THBS3: variants seen among roughly 807,000 people sequenced by gnomAD.
THBS3 encodes thrombospondin-3.
In THBS3, 78 loss-of-function variants were observed where a neutral mutation model predicts 118.3. The observed-to-expected ratio is 0.66, with a 90% CI of 0.55 to 0.80. The LOEUF (loss-of-function observed/expected upper bound fraction) is 0.80, where lower values mean the gene tolerates loss of function less well. Ranked by LOEUF, THBS3 falls within the 30% of genes least tolerant of loss-of-function variation. The pLI is 0.00. For missense variants in THBS3, 1,057 were observed against 1,247.4 expected, an observed-to-expected ratio of 0.85 and a Z score of 2.30; for synonymous variants, 427 against 475.3, an observed-to-expected ratio of 0.90 and a Z score of 1.32.
At chr1:155,208,717 CGCTCCGG>C, upstream of THBS3, 3 of 1,360,820 alleles carry the variant, frequency 2.2e-6, no homozygotes, top group Non-Finnish European at 1.9e-6. Flanking sequence ...GCCCGGCCTC[CGCTCCGG>C]CCGCCGCCAC....
At chr1:155,201,358 T>G in intron 11 of THBS3, 59 bp downstream of exon 11, 1 of 1,568,038 alleles carries the variant, frequency 6.4e-7, no homozygotes, top group Non-Finnish European at 8.6e-7. Flanking sequence ...GCCCTAAACA[T>G]AGCCCTACTC....
intron 21 of THBS3, chr1:155,196,356 C>T (rs1054620458): frequency 2.1e-5 from 12 of 565,938 alleles, no homozygotes; most frequent in African/African-American, 1.1e-4. Flanking sequence ...AAGCACCAGC[C>T]GCATTCCAAG....
chr1:155,195,745 G>T lies in THBS3; in HGVS notation c.*96C>A. The T allele has an allele frequency of 3.0e-6, 4 of 1,340,926 alleles. No individual in the cohort carries two copies. The highest frequency in any genetic ancestry group is 4.2e-6 in the Non-Finnish European group (4 of 955,592). The allele number at this position is 1,340,926 out of a possible 1,614,324, so 83.1% of individuals were successfully genotyped here. On this transcript the variant is annotated 3_prime_UTR_variant, in exon 23 of 23. Transcript: ENST00000368378. Reference sequence around the variant, plus strand: ...GGGAGCCAGAGAAGGGTCTGTGGTTGGCTGAGGGGCTGTAGCTTAGACCTC... The same window carrying T: ...GGGAGCCAGAGAAGGGTCTGTGGTTTGCTGAGGGGCTGTAGCTTAGACCTC...
At chr1:155,205,521 T>A in intron 2 of THBS3, 2 of 674,604 alleles carry the variant, frequency 3.0e-6, no homozygotes, top group Non-Finnish European at 4.8e-6. Context: ...CTCACACCTG[T>A]AATCCCAGCA....
chr1:155,197,649 G>A lies in THBS3; in HGVS notation c.2313C>T (p.Ala771=), dbSNP rs1366182526. The A allele has an allele frequency of 6.2e-7, 1 of 1,613,102 alleles. No individual in the cohort carries two copies. Among genetic ancestry groups the A allele is most frequent in the East Asian group, 2.2e-5 (1 of 44,834 alleles). ...TGCCTTCAAAGTCCACACCATTGAA[G>A]GCCGTGTATCCTGGGGTGGGGGTGG... The part of the protein sequence containing the change: ...SDPGLAVGYT[A]FNGVDFEGTF... Residue 771 remains alanine (A), a synonymous_variant, in exon 20 of 23, where the codon GCC becomes GCT. Coordinates refer to ENST00000368378, the MANE Select transcript of THBS3 (RefSeq NM_007112.5). This position sits in a 1 kb window ranked among gnomAD's most constrained non-coding sequence, Gnocchi z 5.0.
At chr1:155,205,843 C>A (rs1404055639) in intron 2 of THBS3, among the ~76,000 whole-genome samples, 1 of 152,216 alleles carries the variant, frequency 6.6e-6, no homozygotes, top group Non-Finnish European at 1.5e-5. Flanking sequence ...ACTGTATCCT[C>A]TCCTAGGGTG....
intron 2 of THBS3, chr1:155,205,572 G>T: frequency 2.1e-6 from 1 of 474,468 alleles, no homozygotes; most frequent in African/African-American, 1.9e-5. Flanking sequence ...GAGGTCAGAA[G>T]TTCGAGAACA....
chr1:155,195,991 G>A lies in THBS3; in HGVS notation c.2808C>T (p.Cys936=). ...NIIWSNLQYR[C]NDTVPEDFEP... is the part of the protein sequence containing the mutation. Reference sequence around the variant, plus strand: ...GATCTCAATCAGCCACCTCACCATTGCATCGATACTGGAGATTGGACCAAA... The same window carrying A: ...GATCTCAATCAGCCACCTCACCATTACATCGATACTGGAGATTGGACCAAA... Residue 936 remains cysteine, a synonymous_variant, in exon 22 of 23, where the codon TGC becomes TGT. Transcript: ENST00000368378. 2 of 1,614,220 alleles carry A rather than the reference G, an allele frequency of 1.2e-6. No homozygotes were observed. Among genetic ancestry groups the A allele is most frequent in the South Asian group, 2.2e-5 (2 of 91,082 alleles).
At position 155,197,488 on chromosome 1, in the gene THBS3, A is replaced by G; in HGVS notation, c.2474T>C (p.Val825Ala). 1.2e-6 allele frequency: 2 copies of G among 1,613,528 alleles called. No homozygotes were observed. The highest frequency in any genetic ancestry group is 1.3e-5 in the African/African-American group (1 of 74,996). ...TYWQATPFRA[V>A]AQPGLQLKAV... ...CTTGAGCTGCAGCCCGGGCTGGGCA[A>G]CCGCCCGGAAGGGTGTAGCCTGCCA... Residue 825 changes from valine (V) to alanine (A), a missense_variant, in exon 20 of 23, where the codon GTT becomes GCT. Val to Ala is a moderately conservative substitution (Grantham distance 64). Around this residue, in one of 3 missense-constraint regions of THBS3, gnomAD observed 307 missense variants for 326.1 expected, o/e 0.94. Coordinates refer to ENST00000368378, the MANE Select transcript of THBS3 (RefSeq NM_007112.5). The surrounding 1 kb of genome is among the most constrained non-coding windows in gnomAD (Gnocchi z 5.0).
In THBS3 at chr1:155,205,203, T is replaced by C. The variant is rs746128823; in HGVS notation, c.400A>G (p.Arg134Gly). Residue 134 changes from arginine (R) to glycine (G), a missense_variant, in exon 3 of 23, where the codon AGA becomes GGA. Physicochemically the swap from Arg to Gly is moderately radical, Grantham distance 125. Transcript: ENST00000368378. Reference protein sequence around the residue: ...TVLLRLRGPSRPSPALHLYVD... With the variant: ...TVLLRLRGPSGPSPALHLYVD... ...TAGAGATGTAGGGCAGGGCTGGGTC[T>C]GGAGGGACCTCGGAGTCGCAGGAGA... 1.9e-6 allele frequency: 3 copies of C among 1,614,234 alleles called. No individual in the cohort carries two copies. The South Asian group carries it at 3.3e-5, about 18-fold the overall frequency.
Position 155,197,717 on chromosome 1 carries a change from G to C in THBS3, c.2303-58C>G. 6.2e-7 allele frequency: 1 copy of C among 1,601,208 alleles called. No homozygotes were observed. Among genetic ancestry groups the C allele is most frequent in the Non-Finnish European group, 8.5e-7 (1 of 1,170,224 alleles). ...GCAAAGCTACTGGCGGCCCATCATG[G>C]GGTAAAGTTGGGAAGGGATGCCTGC... is the stretch of plus-strand genomic sequence containing the variant. On this transcript the variant is annotated intron_variant, in intron 19 of 22. Coordinates refer to ENST00000368378, the MANE Select transcript of THBS3 (RefSeq NM_007112.5). This position sits in a 1 kb window ranked among gnomAD's most constrained non-coding sequence, Gnocchi z 5.0.
In THBS3 at chr1:155,202,579, CCACTGGT is replaced by C. The variant is rs1669939352; in HGVS notation, c.958-185_958-179del. On this transcript the variant is annotated intron_variant, in intron 8 of 22. Coordinates refer to ENST00000368378, the MANE Select transcript of THBS3 (RefSeq NM_007112.5). This position sits in a 1 kb window ranked among gnomAD's most constrained non-coding sequence, Gnocchi z 5.5. ...GGGGTTCCCTCTCTCCCTCCCCATG[CCACTGGT>C]CACCATCTCAAGCCTCCCCTGCAGT... is the stretch of plus-strand genomic sequence containing the variant. Among the ~76,000 whole-genome samples, 1 of 152,184 alleles carries C rather than the reference CCACTGGT, an allele frequency of 6.6e-6. No homozygotes were observed. Among genetic ancestry groups the C allele is most frequent in the African/African-American group, 2.4e-5 (1 of 41,442 alleles).
Position 155,199,827 on chromosome 1 carries a change from A to G in THBS3, c.1857T>C (p.Asp619=). 1 of 1,614,240 alleles carries G rather than the reference A, an allele frequency of 6.2e-7. No individual in the cohort carries two copies. Among genetic ancestry groups the G allele is most frequent in the South Asian group, 1.1e-5 (1 of 91,090 alleles). Residue 619 remains aspartate (D), a synonymous_variant, in exon 16 of 23, where the codon GAT becomes GAC. Coordinates refer to ENST00000368378, the MANE Select transcript of THBS3 (RefSeq NM_007112.5). ...QTDADSDLVG[D]VCDTNEDSDG... ...ACCTGTCTTCATTAGTATCACAGACATCCCCCACCAGGTCGCTGTCTGCAT... is the reference window on the plus strand; with the variant it reads ...ACCTGTCTTCATTAGTATCACAGACGTCCCCCACCAGGTCGCTGTCTGCAT...
At chr1:155,199,633 A>G (rs1474635047) in intron 16 of THBS3, among the ~76,000 whole-genome samples, 171 bp downstream of exon 16, 1 of 151,544 alleles carries the variant, frequency 6.6e-6, no homozygotes, top group Non-Finnish European at 1.5e-5. Context: ...ACATGCCTGT[A>G]ATCCTAGCCA....
At chr1:155,196,171 C>T in intron 21 of THBS3, 45 bp from the exon 22 acceptor site, 9 of 1,608,828 alleles carry the variant, frequency 5.6e-6, no homozygotes, top group Non-Finnish European at 7.6e-6. Context: ...TGCTAGGGTG[C>T]CAGTGGGCAC....
rs553991779 is a variant in THBS3 at position 155,200,338 on chromosome 1, T to C, written c.1708+113A>G. The C allele has an allele frequency of 2.5e-4, 350 of 1,396,952 alleles. 1 individual carries two copies. The African/African-American group carries it at 4.2e-3, about 17-fold the overall frequency. The allele number at this position is 1,396,952 out of a possible 1,614,324, so 86.5% of individuals were successfully genotyped here. On this transcript the variant is annotated intron_variant, in intron 14 of 22. Coordinates refer to ENST00000368378, the MANE Select transcript of THBS3 (RefSeq NM_007112.5). Reference sequence around the variant, plus strand: ...TAATCTCTCCTCACCCAGGCCAACGTCCACAAGCCTGCCTCCCTATTTCAC... The same window carrying C: ...TAATCTCTCCTCACCCAGGCCAACGCCCACAAGCCTGCCTCCCTATTTCAC...
rs750968719 is a variant in THBS3, at chr1:155,203,311, G to A, written c.674-6C>T. The A allele has an allele frequency of 3.5e-5, 56 of 1,613,648 alleles. 1 individual carries two copies. Among genetic ancestry groups the A allele is most frequent in the Admixed American group, 2.3e-4 (14 of 59,980 alleles). ...CAGCGCCTTGGTCTGCTCCCCTGTC[G>A]GGACCCAGGGTGTGAGGGGTTCAGT... is the stretch of plus-strand genomic sequence containing the variant. On this transcript the variant is annotated splice_region_variant and splice_polypyrimidine_tract_variant and intron_variant, in intron 5 of 22. Coordinates refer to ENST00000368378, the MANE Select transcript of THBS3 (RefSeq NM_007112.5).
Position 155,205,133 on chromosome 1 carries a change from A to G in THBS3, c.470T>C (p.Leu157Pro). 1 of 1,614,188 alleles carries G rather than the reference A, an allele frequency of 6.2e-7. No individual in the cohort carries two copies. The highest frequency in any genetic ancestry group is 8.5e-7 in the Non-Finnish European group (1 of 1,180,036). The change falls in exon 3 of 23, where the codon CTG (leucine) becomes CCG (proline). Residue 157 changes from leucine to proline, a missense_variant. Leu to Pro is a moderately conservative substitution (Grantham distance 98). Around this residue, in one of 3 missense-constraint regions of THBS3, gnomAD observed 206 missense variants for 205.7 expected, o/e 1.00. Transcript: ENST00000368378. ...LGDQHAGLPA[L>P]APIPPAEVDG... Reference sequence around the variant, plus strand: ...GACCTCCGCTGGAGGAATGGGGGCCAGTGCTGGAAGGCCTGCATGTTGGTC... The same window carrying G: ...GACCTCCGCTGGAGGAATGGGGGCCGGTGCTGGAAGGCCTGCATGTTGGTC...
chr1:155,199,282 C>T (rs1372204155), intron 16 of THBS3, among the ~76,000 whole-genome samples: 14 of 151,692 alleles, frequency 9.2e-5, no homozygotes, highest in Admixed American at 2.0e-4. Context: ...TGGTGGCAGG[C>T]GCCTGTAGTC....
Sources: gnomAD v4.1 joint callset for allele counts (sites outside exome capture counted in the v4.1 genomes callset) on GRCh38, gnomAD v4.1.1 for gene constraint, gnomAD v4.1.1 regional missense constraint, Gnocchi (gnomAD v3.1) non-coding constraint, MANE v1.5 for transcripts, NCBI Gene and HGNC (gene_info 2026-07-23, HGNC 2026-07-21) for gene names.